The following ANO2 variants were observed in gnomAD, a reference collection of about 807,000 sequenced individuals.
ANO2 encodes anoctamin-2.
A neutral mutation model predicts 124.2 loss-of-function variants in ANO2; 101 were observed. The ratio of observed to expected loss-of-function variants is 0.81; its 90% CI spans 0.69 to 0.96. The LOEUF (loss-of-function observed/expected upper bound fraction) is 0.96, where lower values mean the gene tolerates loss of function less well. Among genes scored for constraint, ANO2 ranks in the 40% least tolerant of loss-of-function variants. ANO2 has a pLI of 0.00. For missense variants in ANO2, 1,293 were observed against 1,274.5 expected (o/e 1.01, Z -0.22); for synonymous variants, 486 against 482.5 (o/e 1.01, Z -0.09).
At chr12:5,568,189 GA>G (rs1455553553) in intron 23 of ANO2, among the ~76,000 whole-genome samples, 2 of 145,704 alleles carry the variant, frequency 1.4e-5, no homozygotes, top group Non-Finnish European at 3.0e-5. Flanking sequence ...GCCCAGGCTG[GA>G]GTGCAGGAAC....
At chr12:5,641,466 A>G (rs1483238671) in intron 15 of ANO2, among the ~76,000 whole-genome samples, 3 of 152,248 alleles carry the variant, frequency 2.0e-5, no homozygotes, top group African/African-American at 7.2e-5. Context: ...AAGGATTTTA[A>G]AAAATCAAAT....
intron 14 of ANO2, among the ~76,000 whole-genome samples, chr12:5,719,803 C>T (rs1470107043): frequency 6.6e-6 from 1 of 152,186 alleles, no homozygotes; most frequent in Non-Finnish European, 1.5e-5. Flanking sequence ...TCTGAATCAG[C>T]TCCCAGAATT....
chr12:5,632,126 A>T (rs1242579079), intron 16 of ANO2, among the ~76,000 whole-genome samples: 1 of 152,124 alleles, frequency 6.6e-6, no homozygotes. Context: ...GAGCAGAAGG[A>T]GCCAAGTCTA....
chr12:5,939,906 C>T (rs968218791), intron 1 of ANO2, among the ~76,000 whole-genome samples: 5 of 152,156 alleles, frequency 3.3e-5, no homozygotes, highest in African/African-American at 1.2e-4. Context: ...CAGAGGCCTA[C>T]CAAAAATGAA....
intron 3 of ANO2, among the ~76,000 whole-genome samples, chr12:5,897,877 G>C (rs1939904390): frequency 1.3e-5 from 2 of 152,028 alleles, no homozygotes; most frequent in African/African-American, 4.8e-5. Context: ...AAAAAGCACT[G>C]ACATAAAGGA....
intron 9 of ANO2, among the ~76,000 whole-genome samples, chr12:5,803,379 C>A (rs1953101898): frequency 6.6e-6 from 1 of 152,230 alleles, no homozygotes; most frequent in Non-Finnish European, 1.5e-5. Context: ...AGGAGTGACT[C>A]TCTCCACAGT....
At chr12:5,701,226 G>A (rs1195296844) in intron 14 of ANO2, among the ~76,000 whole-genome samples, 10 of 150,126 alleles carry the variant, frequency 6.7e-5, no homozygotes, top group African/African-American at 2.5e-4. Flanking sequence ...TTTCCAAGCT[G>A]TTTCTAAATT....
At chr12:5,806,740 T>C (rs1333871544) in intron 8 of ANO2, among the ~76,000 whole-genome samples, 1 of 152,266 alleles carries the variant, frequency 6.6e-6, no homozygotes, top group African/African-American at 2.4e-5. Context: ...CATTCTGTTT[T>C]CTTTACTTAA....
At chr12:5,587,817 C>A (rs892392301) in intron 20 of ANO2, among the ~76,000 whole-genome samples, 1 of 152,172 alleles carries the variant, frequency 6.6e-6, no homozygotes, top group Admixed American at 6.5e-5. Flanking sequence ...AGGCTCCCCA[C>A]CCCCATGCAC....
chr12:5,822,126 G>T (rs1953820142), intron 7 of ANO2, among the ~76,000 whole-genome samples: 1 of 152,152 alleles, frequency 6.6e-6, no homozygotes, highest in South Asian at 2.1e-4. Flanking sequence ...CTTCCCAGTG[G>T]GCACTTCGAG....
intron 19 of ANO2, 140 bp from the exon 20 acceptor site, chr12:5,599,769 TA>T: frequency 1.1e-6 from 1 of 934,320 alleles, no homozygotes; most frequent in Non-Finnish European, 1.6e-6. Flanking sequence ...AGAGAGACAC[TA>T]AAGAGACTAC....
At chr12:5,912,375 G>A (rs914225914) in intron 3 of ANO2, among the ~76,000 whole-genome samples, 8 of 152,182 alleles carry the variant, frequency 5.3e-5, no homozygotes, top group Non-Finnish European at 8.8e-5. Flanking sequence ...GGTGCTTTAC[G>A]TTTCCTAGTC....
intron 1 of ANO2, among the ~76,000 whole-genome samples, chr12:5,937,809 T>C (rs73259020): frequency 0.1 from 15,434 of 152,136 alleles, 1,277 homozygotes; most frequent in African/African-American, 0.22. Flanking sequence ...GTCTTCCCTA[T>C]TGATCTTTCT....
chr12:5,922,556 G>A, intron 2 of ANO2, 64 bp downstream of exon 2: 2 of 1,468,364 alleles, frequency 1.4e-6, no homozygotes, highest in Admixed American at 2.4e-5. Flanking sequence ...CCAGACCAGA[G>A]GCTCCTTGGT....
chr12:5,920,929 T>C, intron 3 of ANO2, 111 bp downstream of exon 3: 1 of 1,271,750 alleles, frequency 7.9e-7, no homozygotes, highest in African/African-American at 1.5e-5. Context: ...GAAAAAAAAG[T>C]CCACCTGCCA....
At chr12:5,835,128 G>C (rs1009549931) in intron 4 of ANO2, among the ~76,000 whole-genome samples, 2 of 152,118 alleles carry the variant, frequency 1.3e-5, no homozygotes, top group African/African-American at 2.4e-5. Context: ...AAATAGTTTT[G>C]ATTAATAAGG....
chr12:5,712,790 C>T (rs1949863428), intron 14 of ANO2, among the ~76,000 whole-genome samples: 1 of 152,028 alleles, frequency 6.6e-6, no homozygotes, highest in Non-Finnish European at 1.5e-5. Flanking sequence ...AAGCAGGTTC[C>T]AAGCAAAGAG....
At position 5,651,615 on chromosome 12, in the gene ANO2, C is replaced by T. The variant is rs115424452; in HGVS notation, c.1546-3814G>A. Among the ~76,000 whole-genome samples, 710 of 152,194 alleles carry T rather than the reference C, an allele frequency of 4.7e-3. 5 individuals are homozygous for T. Among genetic ancestry groups the T allele is most frequent in the African/African-American group, 0.016 (651 of 41,532 alleles). On this transcript the variant is annotated intron_variant, in intron 14 of 24. Transcript: ENST00000682330. ...TTTTAATTAAGATATAATTTACACA[C>T]AGTAAATTTCACCTTCATTAGTGTT...
chr12:5,794,736 C>T (rs1306943075), intron 10 of ANO2, among the ~76,000 whole-genome samples: 1 of 152,222 alleles, frequency 6.6e-6, no homozygotes, highest in African/African-American at 2.4e-5. Flanking sequence ...TAAGCTCTCC[C>T]TTCATCGTTG....
Sources: allele counts gnomAD v4.1 joint callset (sites outside exome capture counted in the v4.1 genomes callset), GRCh38; gene constraint gnomAD v4.1.1; transcripts MANE v1.5; gene names NCBI Gene and HGNC (gene_info 2026-07-23, HGNC 2026-07-21).